Variants in ATP5PO observed in about 807,000 individuals in gnomAD.
ATP5PO encodes the protein ATP synthase peripheral stalk subunit OSCP, mitochondrial.
Under a neutral mutation model 26.2 loss-of-function variants are expected in ATP5PO, and 14 were observed. The ratio of observed to expected loss-of-function variants is 0.53; its 90% confidence interval spans 0.35 to 0.83. The LOEUF (loss-of-function observed/expected upper bound fraction) is 0.83. Ranked by LOEUF, ATP5PO falls within the 40% of genes least tolerant of loss-of-function variation. The pLI is 0.01. For missense variants in ATP5PO, 241 were observed against 258.5 expected (o/e 0.93, Z 0.46); for synonymous variants, 106 against 95.1 (o/e 1.12, Z -0.67).
At chr21:33,909,316 C>T (rs182042181) in intron 3 of ATP5PO, 105 bp from the exon 4 acceptor site, 27 of 1,322,158 alleles carry the variant, frequency 2.0e-5, no homozygotes, top group African/African-American at 1.0e-4. Flanking sequence ...CGTCTTGCTC[C>T]GTCGCTCAGG....
At chr21:33,914,394 G>A (rs1300718575) in intron 2 of ATP5PO, 56 bp downstream of exon 2, 1 of 1,550,960 alleles carries the variant, frequency 6.4e-7, no homozygotes, top group East Asian at 2.2e-5. Context: ...CTGTACTGCT[G>A]TTTGACTCAC....
At chr21:33,915,672 AC>A in intron 1 of ATP5PO, 55 bp downstream of exon 1, 1 of 1,545,560 alleles carries the variant, frequency 6.5e-7, no homozygotes, top group South Asian at 1.2e-5. Flanking sequence ...GAGGTTTGGT[AC>A]CGGTCATCCC....
chr21:33,908,133 A>T (rs1987198293), intron 4 of ATP5PO, among the ~76,000 whole-genome samples: 1 of 145,400 alleles, frequency 6.9e-6, no homozygotes, highest in Non-Finnish European at 1.5e-5. Context: ...GTGCCACTGC[A>T]CTCCAGCTTG....
intron 4 of ATP5PO, among the ~76,000 whole-genome samples, chr21:33,908,551 T>C (rs1413876797): frequency 6.6e-6 from 1 of 151,846 alleles, no homozygotes; most frequent in African/African-American, 2.4e-5. Flanking sequence ...CTACAAAAAA[T>C]ACAAAAAATT....
intron 5 of ATP5PO, chr21:33,906,727 C>A (rs553648143): frequency 1.3e-5 from 6 of 456,252 alleles, no homozygotes; most frequent in African/African-American, 1.0e-4. Context: ...GTAGCTTACA[C>A]CTTTATTCCC....
At chr21:33,909,825 A>G (rs1196537872) in intron 3 of ATP5PO, among the ~76,000 whole-genome samples, 1 of 152,188 alleles carries the variant, frequency 6.6e-6, no homozygotes, top group Non-Finnish European at 1.5e-5. Context: ...TGCATACTTT[A>G]ATATATTTAA....
At chr21:33,903,695 A>G in intron 6 of ATP5PO, 56 bp from the exon 7 acceptor site, 1 of 1,572,950 alleles carries the variant, frequency 6.4e-7, no homozygotes, top group Non-Finnish European at 8.7e-7. Context: ...TGGGACACAC[A>G]AAAAAGTGTT....
intron 2 of ATP5PO, among the ~76,000 whole-genome samples, chr21:33,913,758 T>G (rs187252344): frequency 6.6e-6 from 1 of 152,102 alleles, no homozygotes; most frequent in Admixed American, 6.6e-5. Context: ...CATGGAGAAC[T>G]GCATTAGAAA....
At chr21:33,907,291 T>C (rs1987185653) in intron 5 of ATP5PO, 50 bp downstream of exon 5, 1 of 1,471,310 alleles carries the variant, frequency 6.8e-7, no homozygotes, top group Non-Finnish European at 9.4e-7. Flanking sequence ...CTGCAAAAGG[T>C]GACACATGTA....
intron 3 of ATP5PO, among the ~76,000 whole-genome samples, chr21:33,911,493 CA>C (rs1569367406): frequency 6.6e-6 from 1 of 152,084 alleles, no homozygotes; most frequent in Non-Finnish European, 1.5e-5. Context: ...CTGGCAATTG[CA>C]AAGGCATCTC....
intron 1 of ATP5PO, 75 bp downstream of exon 1, chr21:33,915,653 C>CTGGT: frequency 6.5e-7 from 1 of 1,532,846 alleles, no homozygotes; most frequent in Non-Finnish European, 8.8e-7. Context: ...GCATCGCACC[C>CTGGT]TGGTGCTCGA....
intron 1 of ATP5PO, 76 bp downstream of exon 1, chr21:33,915,652 C>G: frequency 6.5e-7 from 1 of 1,531,912 alleles, no homozygotes. Flanking sequence ...AGCATCGCAC[C>G]CTGGTGCTCG....
rs975629649 is a variant in ATP5PO, at chr21:33,914,498, C to A, written c.39G>T (p.Val13=). 5.0e-6 allele frequency: 8 copies of A among 1,612,732 alleles called. No individual in the cohort carries two copies. In the African/African-American group the frequency reaches 1.1e-4, roughly 21 times the overall value. Residue 13 remains valine, a splice_region_variant and synonymous_variant, in exon 2 of 7, where the codon GTG becomes GTT. Coordinates refer to ENST00000290299, the MANE Select transcript of ATP5PO (RefSeq NM_001697.3). ...TGACCACAGAGGTACTGAAGCATCG[C>A]ACCTTCAAAGCAATAAAGGAAAATA... The part of the protein sequence containing the change: ...APAVSGLSRQ[V]RCFSTSVVRP...
At chr21:33,912,246 A>C (rs2148607257) in intron 3 of ATP5PO, 43 bp downstream of exon 3, 1 of 1,538,068 alleles carries the variant, frequency 6.5e-7, no homozygotes, top group South Asian at 1.2e-5. Flanking sequence ...GAAAAAATAT[A>C]CAAACAGGAA....
At chr21:33,906,686 G>A (rs1404149911) in intron 5 of ATP5PO, 1 of 456,252 alleles carries the variant, frequency 2.2e-6, no homozygotes, top group East Asian at 7.0e-5. Context: ...AAAGATGAAA[G>A]GTTAGTAACT....
At chr21:33,904,620 A>C (rs1483420570) in intron 5 of ATP5PO, among the ~76,000 whole-genome samples, 1 of 151,966 alleles carries the variant, frequency 6.6e-6, no homozygotes, top group Non-Finnish European at 1.5e-5. Context: ...TCCATAACCT[A>C]CTTTAGAGCA....
chr21:33,904,027 A>G lies in ATP5PO; in HGVS notation c.442-6T>C. Reference sequence around the variant, plus strand: ...AGTGTGGCTTCTTCTAAAGGCTGAAAGGCAAAACCATCCTTTCAATTTAGA... The same window carrying G: ...AGTGTGGCTTCTTCTAAAGGCTGAAGGGCAAAACCATCCTTTCAATTTAGA... On this transcript the variant is annotated splice_region_variant and splice_polypyrimidine_tract_variant and intron_variant, in intron 5 of 6. Coordinates refer to ENST00000290299, the MANE Select transcript of ATP5PO (RefSeq NM_001697.3). 1 of 1,604,406 alleles carries G rather than the reference A, an allele frequency of 6.2e-7. No homozygotes were observed.
chr21:33,910,687 C>A (rs1260238584), intron 3 of ATP5PO, among the ~76,000 whole-genome samples: 1 of 152,200 alleles, frequency 6.6e-6, no homozygotes, highest in African/African-American at 2.4e-5. Context: ...CCCGTCTGTT[C>A]CTGCATGCCC....
rs894760341 is a variant in ATP5PO at position 33,907,380 on chromosome 21, G to C, written c.402C>G (p.Val134=). The C allele has an allele frequency of 3.7e-6, 6 of 1,606,268 alleles. No individual in the cohort carries two copies. In the Admixed American group the frequency reaches 5.0e-5, roughly 13 times the overall value. Residue 134 remains valine (V), a synonymous_variant, in exon 5 of 7, where the codon GTC becomes GTG. Coordinates refer to ENST00000290299, the MANE Select transcript of ATP5PO (RefSeq NM_001697.3). ...CTGTGCAAGGTACCTCTCCGCGATG[G>C]ACACTCATCATGGTAGAAAAGGCAG... ...VVSAFSTMMS[V]HRGEVPCTVT... is the part of the protein sequence containing the mutation.
Sources: gnomAD v4.1 joint callset for allele counts (sites outside exome capture counted in the v4.1 genomes callset) on GRCh38, gnomAD v4.1.1 for gene constraint, MANE v1.5 for transcripts, NCBI Gene and HGNC (gene_info 2026-07-23, HGNC 2026-07-21) for gene names.